The following RIPOR2 variants were observed in gnomAD, a reference collection of about 807,000 sequenced individuals.
RIPOR2 encodes the protein rho family-interacting cell polarization regulator 2.
A neutral mutation model predicts 114.5 loss-of-function variants in RIPOR2; 39 were observed. The ratio of observed to expected loss-of-function variants is 0.34; its 90% confidence interval spans 0.26 to 0.44. The LOEUF (loss-of-function observed/expected upper bound fraction) is 0.44, where lower values mean the gene tolerates loss of function less well. Among genes scored for constraint, RIPOR2 ranks in the 20% least tolerant of loss-of-function variants. The probability of loss-of-function intolerance (pLI) is 1.00; values close to 1 mark genes in which losing one functional copy is unlikely to be tolerated. For missense variants in RIPOR2, 1,007 were observed against 1,255.1 expected, an observed-to-expected ratio of 0.80 and a Z score of 2.99; for synonymous variants, 445 against 484.4, an observed-to-expected ratio of 0.92 and a Z score of 1.07.
intron 1 of RIPOR2, chr6:25,015,671 T>C (rs1388609649): frequency 6.6e-6 from 1 of 152,098 alleles, no homozygotes; most frequent in Non-Finnish European, 1.5e-5. Flanking sequence ...ATTATAGTAA[T>C]TGGGAAATAA....
chr6:24,946,364 C>T (rs370353270), intron 1 of RIPOR2, among the ~76,000 whole-genome samples: 3 of 152,074 alleles, frequency 2.0e-5, no homozygotes, highest in African/African-American at 4.8e-5. Context: ...TGTGAGCCAT[C>T]GCACCCTGCC....
At chr6:24,840,037 T>C in intron 13 of RIPOR2, 2 of 834,860 alleles carry the variant, frequency 2.4e-6, no homozygotes, top group Non-Finnish European at 2.9e-6. Flanking sequence ...GCAGCCTCAA[T>C]CTCCCGGGCT....
intron 1 of RIPOR2, among the ~76,000 whole-genome samples, chr6:25,022,181 T>C (rs1029992853): frequency 2.0e-5 from 3 of 152,188 alleles, no homozygotes; most frequent in East Asian, 1.9e-4. Flanking sequence ...ACAATCAAGA[T>C]ACAGAAGAGT....
rs1209560263 is a variant in RIPOR2 at position 24,837,166 on chromosome 6, A to C, written c.2040-1295T>G. On this transcript the variant is annotated intron_variant, in intron 14 of 21. Coordinates refer to ENST00000643898, the MANE Select transcript of RIPOR2 (RefSeq NM_001286445.3). ...GAGACGGAGTCTCGCACTGCCACCC[A>C]GGTTGGAGTGCAGTGGCTCGATCTC... Among the ~76,000 whole-genome samples, 6 of 152,304 alleles carry C rather than the reference A, an allele frequency of 3.9e-5. No homozygotes were observed. In the East Asian group the frequency reaches 1.2e-3, roughly 29 times the overall value.
At chr6:24,868,388 G>A (rs1764832215) in intron 6 of RIPOR2, among the ~76,000 whole-genome samples, 1 of 152,202 alleles carries the variant, frequency 6.6e-6, no homozygotes, top group Admixed American at 6.5e-5. Context: ...TTGGAAGAGA[G>A]GCTGATAGAT....
At chr6:24,903,279 A>G (rs1311952763) in intron 1 of RIPOR2, among the ~76,000 whole-genome samples, 1 of 152,222 alleles carries the variant, frequency 6.6e-6, no homozygotes, top group African/African-American at 2.4e-5. Context: ...TAGAAGTTGA[A>G]TGATCTTTTA....
At chr6:24,830,890 A>AT (rs1441097978) in intron 16 of RIPOR2, among the ~76,000 whole-genome samples, 3 of 151,770 alleles carry the variant, frequency 2.0e-5, no homozygotes, top group African/African-American at 7.3e-5. Flanking sequence ...TAATTTTTGT[A>AT]TTTTTAGTAG....
chr6:24,888,015 AC>A (rs5875014), intron 1 of RIPOR2, among the ~76,000 whole-genome samples: 19,399 of 152,190 alleles, frequency 0.13, 1,803 homozygotes, highest in African/African-American at 0.26. Context: ...TACATGGCAA[AC>A]CAGGACCAAC....
chr6:24,819,096 A>G (rs941403319), intron 19 of RIPOR2, among the ~76,000 whole-genome samples: 1 of 151,944 alleles, frequency 6.6e-6, no homozygotes, highest in Admixed American at 6.5e-5. Context: ...CCTAGAGTCC[A>G]TGACTCTAGG....
At chr6:24,899,841 G>C (rs1768238867) in intron 1 of RIPOR2, among the ~76,000 whole-genome samples, 1 of 152,204 alleles carries the variant, frequency 6.6e-6, no homozygotes, top group Non-Finnish European at 1.5e-5. Context: ...AGAGGAAGGA[G>C]AAGGCACGCC....
At chr6:25,011,288 T>C (rs1775768355) in intron 1 of RIPOR2, among the ~76,000 whole-genome samples, 1 of 152,178 alleles carries the variant, frequency 6.6e-6, no homozygotes, top group South Asian at 2.1e-4. Flanking sequence ...TGTGTGTGCA[T>C]GTATATAATG....
At chr6:24,893,008 G>A (rs887969385) in intron 1 of RIPOR2, among the ~76,000 whole-genome samples, 2 of 152,164 alleles carry the variant, frequency 1.3e-5, no homozygotes, top group South Asian at 4.1e-4. Context: ...TCCAGCGTGG[G>A]CAACAGAGTG....
Position 24,843,698 on chromosome 6 carries a change from CGTGTGTGTGT to C in RIPOR2, c.1165-154_1165-145del, listed in dbSNP as rs34540028. On this transcript the variant is annotated intron_variant, in intron 12 of 21. Coordinates refer to ENST00000643898, the MANE Select transcript of RIPOR2 (RefSeq NM_001286445.3). The stretch of plus-strand genomic sequence containing the variant: ...ATGTTAGCATTTTATTTGTTGATGC[CGTGTGTGTGT>C]GTGTGTGTGTGTGTGTGTGTGTGTG... 2.6e-3 allele frequency: 941 copies of C among 367,756 alleles called. 1 individual carries two copies. Among genetic ancestry groups the C allele is most frequent in the Middle Eastern group, 6.3e-3 (9 of 1,420 alleles). The allele number at this position is 367,756 out of a possible 1,614,324, so 22.8% of individuals were successfully genotyped here.
Position 24,852,601 on chromosome 6 carries a change from G to A in RIPOR2, c.733C>T (p.Arg245Cys), listed in dbSNP as rs891808490. The A allele has an allele frequency of 6.9e-6, 11 of 1,595,142 alleles. No individual in the cohort carries two copies. The highest frequency in any genetic ancestry group is 2.7e-5 in the African/African-American group (2 of 73,582). The change falls in exon 9 of 22, where the codon CGC becomes TGC. Residue 245 changes from arginine to cysteine, a missense_variant. Physicochemically the swap from Arg to Cys is radical, Grantham distance 180. Transcript: ENST00000643898. ...TCATATTGATCTCCAGGACAGAGGC[G>A]TGCAAAGCCAGCCAGACCTGTAACC... ...IKMKGLAGFARLCPGDQYEIF... is the reference protein window; with the variant it reads ...IKMKGLAGFACLCPGDQYEIF...
chr6:24,873,639 C>T lies in RIPOR2; in HGVS notation c.344+5G>A. ...TAAAGTACATTATCAGGTTCAAGTT[C>T]TTACTCAAGTCCATTTTTCAAGGCC... is the stretch of plus-strand genomic sequence containing the variant. On this transcript the variant is annotated splice_donor_5th_base_variant and intron_variant, in intron 3 of 21. Coordinates refer to ENST00000643898, the MANE Select transcript of RIPOR2 (RefSeq NM_001286445.3). 6.2e-7 allele frequency: 1 copy of T among 1,611,658 alleles called. No homozygotes were observed. The highest frequency in any genetic ancestry group is 8.5e-7 in the Non-Finnish European group (1 of 1,179,220).
rs1475127308 is a variant in RIPOR2 at position 24,865,384 on chromosome 6, G to C, written c.568C>G (p.Gln190Glu). The C allele has an allele frequency of 1.2e-6, 2 of 1,613,598 alleles. No homozygotes were observed. The highest frequency in any genetic ancestry group is 1.7e-5 in the Admixed American group (1 of 59,980). ...RLQDGASKMK[Q>E]AFATSPASKA... ...CTGGCAGGGGATGTTGCGAAGGCTT[G>C]CTTCATTTTGCTGGCACCATCCTGG... The change falls in exon 7 of 22, where the codon CAA becomes GAA. Residue 190 changes from glutamine (Q) to glutamate (E), a missense_variant. Coordinates refer to ENST00000643898, the MANE Select transcript of RIPOR2 (RefSeq NM_001286445.3).
intron 1 of RIPOR2, among the ~76,000 whole-genome samples, chr6:24,916,516 C>A (rs1770091416): frequency 6.6e-6 from 1 of 152,186 alleles, no homozygotes. Context: ...GAAATGAGAG[C>A]ATACACTATC....
At chr6:25,030,826 G>C (rs1425283707) in intron 1 of RIPOR2, among the ~76,000 whole-genome samples, 1 of 152,076 alleles carries the variant, frequency 6.6e-6, no homozygotes, top group African/African-American at 2.4e-5. Context: ...AGCCTCGCAA[G>C]TAGCTGGGAT....
intron 19 of RIPOR2, among the ~76,000 whole-genome samples, chr6:24,822,571 T>G (rs886660060): frequency 6.6e-6 from 1 of 152,154 alleles, no homozygotes; most frequent in Non-Finnish European, 1.5e-5. Context: ...CAGGCTGGAG[T>G]GCAATGGTGC....
Sources: gnomAD v4.1 joint callset for allele counts (sites outside exome capture counted in the v4.1 genomes callset) on GRCh38, gnomAD v4.1.1 for gene constraint, MANE v1.5 for transcripts, NCBI Gene and HGNC (gene_info 2026-07-23, HGNC 2026-07-21) for gene names.